TET3: variants seen among roughly 807,000 people sequenced by gnomAD.
The protein encoded by TET3 is methylcytosine dioxygenase TET3.
TET3 carries 19 observed loss-of-function variants against 141.4 expected under a neutral mutation model. That is an observed-to-expected ratio of 0.13 (90% CI 0.09 to 0.20). The LOEUF (loss-of-function observed/expected upper bound fraction) is 0.20, where lower values mean the gene tolerates loss of function less well. Ranked by LOEUF, TET3 falls within the 10% of genes least tolerant of loss-of-function variation. The pLI, the probability that TET3 is intolerant of heterozygous loss-of-function variation, is 1.00. For missense variants in TET3, 1,874 were observed against 2,356.9 expected (o/e 0.80, Z 4.24); for synonymous variants, 1,043 against 980.9 (o/e 1.06, Z -1.18).
In TET3 at chr2:74,104,059, G is replaced by C. The variant is rs960707504; in HGVS notation, c.*1883G>C. On this transcript the variant is annotated 3_prime_UTR_variant, in exon 12 of 12. Transcript: ENST00000409262. ...GGAGGGTCGTTGTAAGATGTCCTGA[G>C]CATTTATGTGGTCTGGTTTTAACTG... 1 of 153,618 alleles carries C rather than the reference G, an allele frequency of 6.5e-6. No homozygotes were observed. The highest frequency in any genetic ancestry group is 1.5e-5 in the Non-Finnish European group (1 of 68,024). 9.5% of individuals were successfully genotyped at this position (153,618 alleles called of 1,614,324 possible).
chr2:74,053,137 A>G (rs772314403), intron 4 of TET3, among the ~76,000 whole-genome samples: 38 of 152,358 alleles, frequency 2.5e-4, no homozygotes, highest in Middle Eastern at 6.8e-3. Context: ...CTAAAAGATA[A>G]TATGATGTTT....
At chr2:74,007,599 CACTG>C (rs1685211471) in intron 3 of TET3, among the ~76,000 whole-genome samples, 1 of 152,178 alleles carries the variant, frequency 6.6e-6, no homozygotes, top group Admixed American at 6.5e-5. Context: ...CAGTGAGACC[CACTG>C]ACTGAGAGGA....
Position 74,046,657 on chromosome 2 carries a change from C to T in TET3, c.740C>T (p.Ser247Phe), listed in dbSNP as rs1480300344. The change falls in exon 4 of 12, where the codon TCT becomes TTT. Residue 247 changes from serine (S) to phenylalanine (F), a missense_variant. By Grantham distance (155) the Ser-to-Phe change is radical (BLOSUM62 -2). Around this residue, in one of 10 missense-constraint regions of TET3, gnomAD observed 366 missense variants for 487.0 expected, o/e 0.75. Transcript: ENST00000409262. This position sits in a 1 kb window ranked among gnomAD's most constrained non-coding sequence, Gnocchi z 4.3. ...RGPRPGPEGCSAGSEDLDTLQ... is the reference protein window; with the variant it reads ...RGPRPGPEGCFAGSEDLDTLQ... ...CCCCGGCCAGGGCCTGAGGGCTGCT[C>T]TGCTGGCAGCGAAGACCTTGACACA... is the stretch of plus-strand genomic sequence containing the variant. The T allele has an allele frequency of 6.2e-7, 1 of 1,614,072 alleles. No individual in the cohort carries two copies. Among genetic ancestry groups the T allele is most frequent in the African/African-American group, 1.3e-5 (1 of 75,074 alleles).
intron 3 of TET3, among the ~76,000 whole-genome samples, chr2:74,036,786 G>C (rs1307461596): frequency 1.3e-5 from 2 of 151,926 alleles, no homozygotes; most frequent in Non-Finnish European, 2.9e-5. Context: ...TTTCTTCCTC[G>C]AACCCACATT....
chr2:74,135,434 T>C, the TET3 span: 3 of 1,212,774 alleles, frequency 2.5e-6, no homozygotes, highest in South Asian at 2.6e-5. Context: ...TTGTTTCCTT[T>C]AATTAACATC....
intron 2 of TET3, among the ~76,000 whole-genome samples, chr2:73,987,240 C>T (rs1684078426): frequency 6.6e-6 from 1 of 152,082 alleles, no homozygotes; most frequent in South Asian, 2.1e-4. Context: ...GTTCCCCTAT[C>T]TTAGTTCTTC....
chr2:74,042,854 T>A (rs1018226829), intron 3 of TET3, among the ~76,000 whole-genome samples: 1 of 152,174 alleles, frequency 6.6e-6, no homozygotes, highest in Non-Finnish European at 1.5e-5. Context: ...GAAATGGGAA[T>A]TTAGAGTTTC....
chr2:74,121,585 A>G, the TET3 span: 1 of 152,274 alleles, frequency 6.6e-6, no homozygotes, highest in Non-Finnish European at 1.5e-5. Flanking sequence ...GTGGTGGCAA[A>G]TTGAAAGGAA....
At chr2:74,079,270 C>T (rs1689676906) in intron 5 of TET3, among the ~76,000 whole-genome samples, 1 of 152,120 alleles carries the variant, frequency 6.6e-6, no homozygotes, top group Non-Finnish European at 1.5e-5. Context: ...TACTTGAACC[C>T]GGGAAGCGGA....
intron 3 of TET3, among the ~76,000 whole-genome samples, chr2:74,039,996 G>A (rs1483445683): frequency 1.3e-5 from 2 of 152,194 alleles, no homozygotes; most frequent in Non-Finnish European, 2.9e-5. Flanking sequence ...CCTCTCCATG[G>A]GGGAAATGTC....
intron 2 of TET3, among the ~76,000 whole-genome samples, chr2:73,989,177 G>C (rs1248499653): frequency 2.6e-5 from 4 of 152,068 alleles, no homozygotes; most frequent in Non-Finnish European, 4.4e-5. Context: ...GCTGGGGACT[G>C]CTGGGACCAT....
At position 74,093,791 on chromosome 2, in the gene TET3, G is replaced by C. The variant is rs1178418096; in HGVS notation, c.3267+125G>C. On this transcript the variant is annotated intron_variant, in intron 10 of 11. Coordinates refer to ENST00000409262, the MANE Select transcript of TET3 (RefSeq NM_001287491.2). This position sits in a 1 kb window ranked among gnomAD's most constrained non-coding sequence, Gnocchi z 4.2. ...TGGAGACAGGATCCTCAGAACTCTG[G>C]AAGGTTCCCTGCAAGACGGCCTGCC... The C allele has an allele frequency of 1.2e-5, 15 of 1,281,808 alleles. No individual in the cohort carries two copies. Among genetic ancestry groups the C allele is most frequent in the African/African-American group, 1.5e-5 (1 of 66,094 alleles). 79.4% of individuals were successfully genotyped at this position (1,281,808 alleles called of 1,614,324 possible).
At chr2:73,994,638 C>A (rs4853001) in intron 2 of TET3, among the ~76,000 whole-genome samples, 3 of 96,750 alleles carry the variant, frequency 3.1e-5, no homozygotes, top group African/African-American at 1.8e-4. Context: ...TTCTTTCTTT[C>A]TTTTTTTTTT....
chr2:74,097,831 G>A (rs1194580919), intron 10 of TET3, among the ~76,000 whole-genome samples: 2 of 152,250 alleles, frequency 1.3e-5, no homozygotes, highest in Admixed American at 1.3e-4. Context: ...CTCTGGATTT[G>A]CTGGTTCATA....
intron 7 of TET3, among the ~76,000 whole-genome samples, chr2:74,089,107 C>T (rs1201469252): frequency 7.3e-6 from 1 of 137,288 alleles, no homozygotes; most frequent in Non-Finnish European, 1.6e-5. Flanking sequence ...AAAAAAAAGA[C>T]ATAGAACAGT....
At chr2:74,051,255 C>CA (rs1687927251) in intron 4 of TET3, among the ~76,000 whole-genome samples, 1 of 152,148 alleles carries the variant, frequency 6.6e-6, no homozygotes, top group African/African-American at 2.4e-5. Context: ...AGGCAGTGAG[C>CA]AAAAATGCAG....
At chr2:74,007,881 C>T (rs1029125428) in intron 3 of TET3, among the ~76,000 whole-genome samples, 16 of 152,158 alleles carry the variant, frequency 1.1e-4, no homozygotes, top group Admixed American at 4.6e-4. Context: ...CTTTGTACAG[C>T]GAGTTTGCAG....
At chr2:74,052,797 G>A (rs1688016721) in intron 4 of TET3, among the ~76,000 whole-genome samples, 1 of 152,180 alleles carries the variant, frequency 6.6e-6, no homozygotes, top group Non-Finnish European at 1.5e-5. Flanking sequence ...TTGAACCTGG[G>A]AGGCCGAGGT....
At chr2:74,061,538 G>A (rs1250339614) in intron 4 of TET3, among the ~76,000 whole-genome samples, 1 of 147,676 alleles carries the variant, frequency 6.8e-6, no homozygotes, top group African/African-American at 2.5e-5. Context: ...CCCAGTAGGG[G>A]CGGCCGGGCA....
Sources: gnomAD v4.1 joint callset for allele counts (sites outside exome capture counted in the v4.1 genomes callset) on GRCh38, gnomAD v4.1.1 for gene constraint, gnomAD v4.1.1 regional missense constraint, Gnocchi (gnomAD v3.1) non-coding constraint, MANE v1.5 for transcripts, NCBI Gene and HGNC (gene_info 2026-07-23, HGNC 2026-07-21) for gene names.